The following LARGE1 variants were observed in gnomAD, a reference collection of about 807,000 sequenced individuals.
The protein encoded by LARGE1 is xylosyl- and glucuronyltransferase LARGE1.
LARGE1 carries 43 observed loss-of-function variants against 87.6 expected under a neutral mutation model. That is an observed-to-expected ratio of 0.49 (90% CI 0.38 to 0.63). The LOEUF (loss-of-function observed/expected upper bound fraction) is 0.63, where lower values mean the gene tolerates loss of function less well. Among genes scored for constraint, LARGE1 ranks in the 30% least tolerant of loss-of-function variants. The pLI is 0.00. For missense variants in LARGE1, 802 were observed against 1,000.2 expected (o/e 0.80, Z 2.67); for synonymous variants, 434 against 394.6 (o/e 1.10, Z -1.18).
chr22:33,486,229 T>C (rs893476159), intron 6 of LARGE1, among the ~76,000 whole-genome samples: 1 of 152,206 alleles, frequency 6.6e-6, no homozygotes, highest in African/African-American at 2.4e-5. Flanking sequence ...TGGGTGTGGG[T>C]GGTGCCTGAA....
chr22:33,357,171 T>A (rs1940972364), intron 9 of LARGE1, among the ~76,000 whole-genome samples: 1 of 152,174 alleles, frequency 6.6e-6, no homozygotes, highest in South Asian at 2.1e-4. Context: ...GGTATATATA[T>A]ATGAATACTA....
Position 33,379,938 on chromosome 22 carries a change from G to T in LARGE1, c.1131+1981C>A, listed in dbSNP as rs114666237. On this transcript the variant is annotated intron_variant, in intron 9 of 14. Transcript: ENST00000397394. The stretch of plus-strand genomic sequence containing the variant: ...TAGGAGCTCTGTTCCAGGAACCAGG[G>T]ACAAAGACTAAATAGATTTCTTATA... Among the ~76,000 whole-genome samples the T allele has an allele frequency of 3.2e-3, 494 of 152,220 alleles. 3 individuals carry two copies. The highest frequency in any genetic ancestry group is 0.011 in the African/African-American group (477 of 41,536).
intron 11 of LARGE1, among the ~76,000 whole-genome samples, chr22:33,244,029 C>T (rs1046157610): frequency 1.3e-5 from 2 of 152,154 alleles, no homozygotes; most frequent in Admixed American, 6.5e-5. Context: ...TGCTCTGTCG[C>T]CCAGGCTGGA....
At chr22:33,186,641 A>T (rs190852025) in intron 11 of LARGE1, among the ~76,000 whole-genome samples, 24 of 152,318 alleles carry the variant, frequency 1.6e-4, no homozygotes, top group Non-Finnish European at 2.6e-4. Flanking sequence ...TGGGAGTCCT[A>T]GCCAGTGGAA....
At chr22:33,378,512 T>C (rs999264241) in intron 9 of LARGE1, among the ~76,000 whole-genome samples, 5 of 152,210 alleles carry the variant, frequency 3.3e-5, no homozygotes, top group African/African-American at 1.2e-4. Flanking sequence ...AGAATAATTA[T>C]ATGTTTTGCC....
intron 9 of LARGE1, among the ~76,000 whole-genome samples, chr22:33,368,595 G>T (rs1327200027): frequency 6.6e-6 from 1 of 151,568 alleles, no homozygotes; most frequent in Non-Finnish European, 1.5e-5. Context: ...GATGAAAATG[G>T]ACTTATCAAT....
At position 33,190,961 on chromosome 22, in the gene LARGE1, C is replaced by T. The variant is rs75952802; in HGVS notation, c.1731-24129G>A. On this transcript the variant is annotated intron_variant, in intron 11 of 11. Coordinates refer to the LARGE1 transcript ENST00000608642. ...CTCTGCACCCTGGTAATAGCAGCAC[C>T]TTGTGCTAAGTTTTATCACAGCCCT... Among the ~76,000 whole-genome samples, 841 of 152,314 alleles carry T rather than the reference C, an allele frequency of 5.5e-3. 5 individuals are homozygous for T. Among genetic ancestry groups the T allele is most frequent in the African/African-American group, 0.019 (796 of 41,574 alleles).
At chr22:33,817,638 C>T (rs1049917610) in intron 1 of LARGE1, among the ~76,000 whole-genome samples, 3 of 152,216 alleles carry the variant, frequency 2.0e-5, no homozygotes, top group East Asian at 1.9e-4. Flanking sequence ...CAGAGCTGCT[C>T]GAACTGGACT....
intron 11 of LARGE1, among the ~76,000 whole-genome samples, chr22:33,309,339 C>A (rs945514029): frequency 5.9e-5 from 9 of 152,220 alleles, no homozygotes; most frequent in South Asian, 2.1e-4. Context: ...GCTAAGTTTT[C>A]TATTTTTAGT....
chr22:33,495,263 G>A (rs576603283), intron 6 of LARGE1, among the ~76,000 whole-genome samples: 78 of 152,222 alleles, frequency 5.1e-4, no homozygotes, highest in Non-Finnish European at 7.4e-4. Context: ...AGTCTCCATC[G>A]TGTTGCAGTC....
In LARGE1 at chr22:33,916,032, C is replaced by T. The variant is rs561955207; in HGVS notation, c.-83+3963G>A. Among the ~76,000 whole-genome samples the T allele has an allele frequency of 5.3e-5, 8 of 152,258 alleles. No individual in the cohort carries two copies. The East Asian group carries it at 1.5e-3, about 29-fold the overall frequency. ...GCACGGTGGCTCACACCTGTAATCCCAGCACTTTGGGAGGCCGAGACAGGT... is the reference window on the plus strand; with the variant it reads ...GCACGGTGGCTCACACCTGTAATCCTAGCACTTTGGGAGGCCGAGACAGGT... On this transcript the variant is annotated intron_variant, in intron 1 of 14. Coordinates refer to ENST00000397394, the MANE Select transcript of LARGE1 (RefSeq NM_133642.5).
intron 11 of LARGE1, among the ~76,000 whole-genome samples, chr22:33,190,281 A>G (rs1296930077): frequency 6.6e-6 from 1 of 152,144 alleles, no homozygotes. Flanking sequence ...CTTAATTTCC[A>G]TAGAGTACAT....
At chr22:33,293,328 T>C (rs568420794) in intron 12 of LARGE1, among the ~76,000 whole-genome samples, 1 of 152,356 alleles carries the variant, frequency 6.6e-6, no homozygotes, top group Admixed American at 6.5e-5. Flanking sequence ...CTCTTAATTA[T>C]TGCAACCTAT....
intron 7 of LARGE1, among the ~76,000 whole-genome samples, chr22:33,398,035 C>A (rs902456967): frequency 1.3e-5 from 2 of 152,024 alleles, no homozygotes; most frequent in Non-Finnish European, 2.9e-5. Flanking sequence ...ATATATTTTT[C>A]TTCCCACTTT....
At chr22:33,362,380 TAAG>T (rs2064418715) in intron 9 of LARGE1, among the ~76,000 whole-genome samples, 1 of 149,836 alleles carries the variant, frequency 6.7e-6, no homozygotes, top group South Asian at 2.2e-4. Context: ...CTTCAGTTGG[TAAG>T]AAGCAAAACT....
At chr22:33,531,151 A>G (rs972345451) in intron 6 of LARGE1, among the ~76,000 whole-genome samples, 3 of 152,120 alleles carry the variant, frequency 2.0e-5, no homozygotes, top group Admixed American at 1.3e-4. Flanking sequence ...CATGTGCAGC[A>G]TTCTTGTTTT....
intron 4 of LARGE1, among the ~76,000 whole-genome samples, chr22:33,623,137 CTTTT>C (rs766787763): frequency 3.8e-5 from 5 of 132,650 alleles, no homozygotes; most frequent in African/African-American, 1.1e-4. Context: ...AGAAAGTGGG[CTTTT>C]TTTTTTTTTT....
At chr22:33,452,005 C>CA (rs1186532555) in intron 6 of LARGE1, among the ~76,000 whole-genome samples, 6 of 152,224 alleles carry the variant, frequency 3.9e-5, no homozygotes, top group Admixed American at 2.6e-4. Flanking sequence ...CACAAGGAGT[C>CA]AGAGATCGCA....
At chr22:33,330,078 G>C (rs539621216) in intron 10 of LARGE1, among the ~76,000 whole-genome samples, 1 of 152,110 alleles carries the variant, frequency 6.6e-6, no homozygotes, top group Admixed American at 6.6e-5. Flanking sequence ...TTTACAGAAG[G>C]GAATATTTCA....
Sources: gnomAD v4.1 joint callset for allele counts (sites outside exome capture counted in the v4.1 genomes callset) on GRCh38, gnomAD v4.1.1 for gene constraint, MANE v1.5 for transcripts, NCBI Gene and HGNC (gene_info 2026-07-23, HGNC 2026-07-21) for gene names.